TNKS2: variants seen among roughly 807,000 people sequenced by gnomAD.
TNKS2 encodes the protein tankyrase 2, also known as poly [ADP-ribose] polymerase tankyrase-2.
A neutral mutation model predicts 137.6 loss-of-function variants in TNKS2; 72 were observed. The observed-to-expected ratio is 0.52, with a 90% confidence interval of 0.43 to 0.64. The LOEUF is 0.64. Ranked by LOEUF, TNKS2 falls within the 30% of genes least tolerant of loss-of-function variation. The probability of loss-of-function intolerance (pLI) is 0.00; values close to 1 mark genes in which losing one functional copy is unlikely to be tolerated. For synonymous variants in TNKS2, 516 were observed against 512.1 expected (o/e 1.01, Z -0.10); for missense variants, 1,049 against 1,410.2 (o/e 0.74, Z 4.10).
chr10:91,799,554 A>C lies in TNKS2; in HGVS notation c.199+665A>C, dbSNP rs145886700. ...GGTAGTATAAGAGAAAAGATAGTGCAAGTACTTTAGCTTGAATCTAGAATT... is the reference window on the plus strand; with the variant it reads ...GGTAGTATAAGAGAAAAGATAGTGCCAGTACTTTAGCTTGAATCTAGAATT... On this transcript the variant is annotated intron_variant, in intron 1 of 26. Coordinates refer to ENST00000371627, the MANE Select transcript of TNKS2 (RefSeq NM_025235.4). Among the ~76,000 whole-genome samples the C allele has an allele frequency of 6.7e-3, 1,015 of 152,324 alleles. 8 individuals carry two copies. The highest frequency in any genetic ancestry group is 8.2e-3 in the Non-Finnish European group (561 of 68,024).
At chr10:91,848,834 CTATT>C (rs903365334) in intron 19 of TNKS2, among the ~76,000 whole-genome samples, 199 bp downstream of exon 19, 5 of 151,792 alleles carry the variant, frequency 3.3e-5, no homozygotes, top group African/African-American at 1.2e-4. Context: ...TACTAACCTA[CTATT>C]TATTTATTTA....
At chr10:91,829,954 C>T (rs1424298574) in intron 9 of TNKS2, among the ~76,000 whole-genome samples, 1 of 152,112 alleles carries the variant, frequency 6.6e-6, no homozygotes, top group Non-Finnish European at 1.5e-5. Context: ...TATTGAACAC[C>T]TATTGTGCAG....
intron 21 of TNKS2, among the ~76,000 whole-genome samples, chr10:91,854,088 A>G (rs1842633444): frequency 6.6e-6 from 1 of 152,180 alleles, no homozygotes; most frequent in African/African-American, 2.4e-5. Flanking sequence ...TGCTGAGGTA[A>G]ACAATCTATT....
intron 25 of TNKS2, among the ~76,000 whole-genome samples, chr10:91,861,391 CA>C (rs1842845274): frequency 6.6e-6 from 1 of 152,156 alleles, no homozygotes; most frequent in Admixed American, 6.5e-5. Flanking sequence ...CTCCCAAGTA[CA>C]GTGACAGCCT....
chr10:91,811,117 G>T (rs1844488730), intron 1 of TNKS2, among the ~76,000 whole-genome samples: 1 of 150,822 alleles, frequency 6.6e-6, no homozygotes, highest in Non-Finnish European at 1.5e-5. Context: ...GTAGAGACTG[G>T]GTTTCACCAT....
At chr10:91,831,295 C>T in intron 11 of TNKS2, 114 bp downstream of exon 11, 1 of 978,834 alleles carries the variant, frequency 1.0e-6, no homozygotes, top group Non-Finnish European at 1.6e-6. Flanking sequence ...CTTTTTTTTC[C>T]TTATAATCTA....
intron 2 of TNKS2, among the ~76,000 whole-genome samples, chr10:91,816,532 A>G (rs571824941): frequency 4.6e-5 from 7 of 152,292 alleles, no homozygotes; most frequent in Non-Finnish European, 1.0e-4. Flanking sequence ...TATGGTATCA[A>G]TAGTGGACAA....
rs1842357983 is a variant in TNKS2, at chr10:91,845,945, G to A, written c.2358+5G>A. On this transcript the variant is annotated splice_donor_5th_base_variant and intron_variant, in intron 18 of 26. Transcript: ENST00000371627. ...ACACCTTTAGATTTAGTTTCAGTAAGTGATGGGCTTTTTGAAAAATCTCAG... is the reference window on the plus strand; with the variant it reads ...ACACCTTTAGATTTAGTTTCAGTAAATGATGGGCTTTTTGAAAAATCTCAG... The A allele has an allele frequency of 6.6e-7, 1 of 1,510,834 alleles. No individual in the cohort carries two copies. The highest frequency in any genetic ancestry group is 9.0e-7 in the Non-Finnish European group (1 of 1,116,622). 93.6% of individuals were successfully genotyped at this position (1,510,834 alleles called of 1,614,324 possible). A position where few individuals can be genotyped will look rare whatever the true frequency, so the allele number is the denominator to read the frequency against.
chr10:91,810,885 C>CTTTTCTT (rs1028913023), intron 1 of TNKS2, among the ~76,000 whole-genome samples: 1 of 87,738 alleles, frequency 1.1e-5, no homozygotes, highest in Non-Finnish European at 2.3e-5. Context: ...TTTGTTTATT[C>CTTTTCTT]TTTTCTTTTT....
At chr10:91,816,458 C>G (rs1396309448) in intron 2 of TNKS2, among the ~76,000 whole-genome samples, 1 of 152,150 alleles carries the variant, frequency 6.6e-6, no homozygotes, top group Non-Finnish European at 1.5e-5. Context: ...ATTTGCACCT[C>G]GGTTTCAATG....
chr10:91,824,687 C>T (rs546961395), intron 7 of TNKS2, among the ~76,000 whole-genome samples: 16 of 152,228 alleles, frequency 1.1e-4, no homozygotes, highest in African/African-American at 3.9e-4. Flanking sequence ...ATCCAGTTTG[C>T]AGATTAACAT....
At chr10:91,841,139 TG>T in intron 14 of TNKS2, 143 bp from the exon 15 acceptor site, 2 of 701,950 alleles carry the variant, frequency 2.8e-6, no homozygotes, top group Non-Finnish European at 4.2e-6. Flanking sequence ...AACTTATTTC[TG>T]CCTTAAATAG....
At chr10:91,859,396 C>T in intron 24 of TNKS2, 66 bp from the exon 25 acceptor site, 1 of 1,291,342 alleles carries the variant, frequency 7.7e-7, no homozygotes, top group Non-Finnish European at 1.0e-6. Context: ...TTCTAAGAAA[C>T]TAGTTTTTTA....
At chr10:91,827,898 G>C (rs1160011523) in intron 8 of TNKS2, among the ~76,000 whole-genome samples, 4 of 152,134 alleles carry the variant, frequency 2.6e-5, no homozygotes, top group African/African-American at 9.7e-5. Context: ...CTATAGCCAT[G>C]ATGTCAGTGT....
At chr10:91,826,422 C>T (rs943022425) in intron 7 of TNKS2, among the ~76,000 whole-genome samples, 12 of 152,110 alleles carry the variant, frequency 7.9e-5, no homozygotes, top group Non-Finnish European at 1.5e-4. Flanking sequence ...GTGAAATACT[C>T]CTCAACAATG....
chr10:91,838,897 C>T (rs1423685521), intron 13 of TNKS2, among the ~76,000 whole-genome samples: 1 of 152,162 alleles, frequency 6.6e-6, no homozygotes, highest in Non-Finnish European at 1.5e-5. Flanking sequence ...GATGGAGTTT[C>T]ACTCTTGTTG....
At chr10:91,842,100 T>C in intron 15 of TNKS2, 72 bp from the exon 16 acceptor site, 1 of 1,038,972 alleles carries the variant, frequency 9.6e-7, no homozygotes. Flanking sequence ...TAGTTAACAC[T>C]GACTATTTTC....
chr10:91,848,407 A>G lies in TNKS2; in HGVS notation c.2383A>G (p.Thr795Ala). 1 of 1,614,154 alleles carries G rather than the reference A, an allele frequency of 6.2e-7. No individual in the cohort carries two copies. The highest frequency in any genetic ancestry group is 8.5e-7 in the Non-Finnish European group (1 of 1,180,034). The change falls in exon 19 of 27, where the codon ACA (threonine) becomes GCA (alanine). Residue 795 changes from threonine to alanine, a missense_variant. Coordinates refer to ENST00000371627, the MANE Select transcript of TNKS2 (RefSeq NM_025235.4). Reference sequence around the variant, plus strand: ...GGCGGATGATGTCAGCGCTCTTCTGACAGCAGCCATGCCCCCATCTGCTCT... The same window carrying G: ...GGCGGATGATGTCAGCGCTCTTCTGGCAGCAGCCATGCCCCCATCTGCTCT... ...VSADDVSALLTAAMPPSALPS... is the reference protein window; with the variant it reads ...VSADDVSALLAAAMPPSALPS...
rs201518095 is a variant in TNKS2, at chr10:91,813,054, G to A, written c.271G>A (p.Gly91Ser). 311 of 1,613,916 alleles carry A rather than the reference G, an allele frequency of 1.9e-4. 1 individual carries two copies. The highest frequency in any genetic ancestry group is 6.6e-4 in the Middle Eastern group (4 of 6,084). The change falls in exon 2 of 27, where the codon GGC becomes AGC. Residue 91 changes from glycine (G) to serine (S), a missense_variant. Gly to Ser is a moderately conservative substitution (Grantham distance 56). Coordinates refer to ENST00000371627, the MANE Select transcript of TNKS2 (RefSeq NM_025235.4). ...GANVQARDDG[G>S]LIPLHNACSF... ...AAATGTCCAAGCACGTGATGATGGG[G>A]GCCTTATTCCTCTTCATAATGCATG...
Sources: allele counts gnomAD v4.1 joint callset (sites outside exome capture counted in the v4.1 genomes callset), GRCh38; gene constraint gnomAD v4.1.1; transcripts MANE v1.5; gene names NCBI Gene and HGNC (gene_info 2026-07-23, HGNC 2026-07-21).